Variants in SLC13A1 observed in about 807,000 individuals in gnomAD.
SLC13A1 encodes solute carrier family 13 member 1.
SLC13A1 carries 65 observed loss-of-function variants against 70.0 expected under a neutral mutation model. The observed-to-expected ratio is 0.93, with a 90% CI of 0.76 to 1.14. SLC13A1 has a LOEUF of 1.14. SLC13A1 is among the 50% of genes most tolerant of loss of function. The pLI is 0.00. For missense variants in SLC13A1, 726 were observed against 717.8 expected, an observed-to-expected ratio of 1.01 and a Z score of -0.13; for synonymous variants, 275 against 250.5, an observed-to-expected ratio of 1.10 and a Z score of -0.92.
chr7:123,140,736 T>C (rs1327296430), intron 7 of SLC13A1, among the ~76,000 whole-genome samples: 1 of 152,118 alleles, frequency 6.6e-6, no homozygotes, highest in Admixed American at 6.6e-5. Context: ...TCACTACTAA[T>C]GATCCTTTGA....
chr7:123,133,681 G>A lies in SLC13A1; in HGVS notation c.932+729C>T, dbSNP rs569938313. 4.6e-5 allele frequency among the ~76,000 whole-genome samples: 7 copies of A among 151,756 alleles called. No individual in the cohort carries two copies. The South Asian group carries it at 1.2e-3, about 27-fold the overall frequency. ...GCCTCCTGAGTAGCTGGGACTACCC[G>A]CCACACCTGGCTATTTTTTGTGTTT... On this transcript the variant is annotated intron_variant, in intron 8 of 14. Coordinates refer to ENST00000194130, the MANE Select transcript of SLC13A1 (RefSeq NM_022444.4).
At chr7:123,191,671 T>C (rs1796001025) in intron 1 of SLC13A1, among the ~76,000 whole-genome samples, 2 of 152,214 alleles carry the variant, frequency 1.3e-5, no homozygotes. Flanking sequence ...TGAATGCTTA[T>C]AATGTGCCAG....
rs752721811 is a variant in SLC13A1 at position 123,119,075 on chromosome 7, A to T, written c.1512+6T>A. On this transcript the variant is annotated splice_donor_region_variant and intron_variant, in intron 13 of 14. Transcript: ENST00000194130. The stretch of plus-strand genomic sequence containing the variant: ...AGAGTAAAAAGGGGATAAATGAGAT[A>T]CTCACCAATGGAGATAATATTGGGA... 3 of 1,609,492 alleles carry T rather than the reference A, an allele frequency of 1.9e-6. No homozygotes were observed. The Admixed American group carries it at 5.0e-5, about 27-fold the overall frequency.
At chr7:123,155,045 TTC>T (rs2116464942) in intron 6 of SLC13A1, among the ~76,000 whole-genome samples, 1 of 152,172 alleles carries the variant, frequency 6.6e-6, no homozygotes, top group African/African-American at 2.4e-5. Context: ...GAATTAGTGT[TTC>T]TTCCTTTTTG....
Position 123,115,455 on chromosome 7 carries a change from T to A in SLC13A1, c.*63A>T. 1 of 1,540,416 alleles carries A rather than the reference T, an allele frequency of 6.5e-7. No homozygotes were observed. The highest frequency in any genetic ancestry group is 8.9e-7 in the Non-Finnish European group (1 of 1,122,808). ...TGTCATTAGTTATTTAGAGCCACAT[T>A]TTACAGTCAATCATTAATGTCTTCC... On this transcript the variant is annotated 3_prime_UTR_variant, in exon 15 of 15. Coordinates refer to ENST00000194130, the MANE Select transcript of SLC13A1 (RefSeq NM_022444.4).
chr7:123,117,321 G>T, intron 14 of SLC13A1, 150 bp downstream of exon 14: 1 of 646,088 alleles, frequency 1.5e-6, no homozygotes, highest in Non-Finnish European at 2.6e-6. Context: ...AAACAATTTT[G>T]TGATTAGTCA....
intron 8 of SLC13A1, among the ~76,000 whole-genome samples, chr7:123,131,281 T>C (rs962688054): frequency 2.0e-5 from 3 of 152,102 alleles, no homozygotes; most frequent in African/African-American, 7.2e-5. Flanking sequence ...ATAAATACTA[T>C]TATAAGAAAC....
At chr7:123,127,627 G>A (rs1383430278) in intron 10 of SLC13A1, among the ~76,000 whole-genome samples, 2 of 151,916 alleles carry the variant, frequency 1.3e-5, no homozygotes, top group Admixed American at 1.3e-4. Context: ...GAATCAAAAA[G>A]TTTATAAAAA....
Position 123,115,528 on chromosome 7 carries a change from G to T in SLC13A1, c.1778C>A (p.Thr593Asn). ...GAAATTTTGTGCTTATTATGGCATG[G>T]TCTCATTACTCATAGCAGGAGCCCA... ...PSWAPAMSNE[T>N]MP is the part of the protein sequence containing the mutation. Residue 593 changes from threonine (T) to asparagine (N), a missense_variant, in exon 15 of 15, where the codon ACC becomes AAC. Thr to Asn is a moderately conservative substitution (Grantham distance 65, BLOSUM62 0). Coordinates refer to ENST00000194130, the MANE Select transcript of SLC13A1 (RefSeq NM_022444.4). The T allele has an allele frequency of 1.2e-6, 2 of 1,611,344 alleles. No individual in the cohort carries two copies. Among genetic ancestry groups the T allele is most frequent in the East Asian group, 4.5e-5 (2 of 44,824 alleles).
intron 12 of SLC13A1, among the ~76,000 whole-genome samples, chr7:123,120,716 G>T (rs1007670356): frequency 2.2e-4 from 34 of 151,950 alleles, no homozygotes; most frequent in Non-Finnish European, 3.7e-4. Flanking sequence ...TTGTATTTTT[G>T]TTTATCTGCT....
chr7:123,146,587 G>GTTCT (rs1794358817), intron 7 of SLC13A1, among the ~76,000 whole-genome samples: 1 of 152,098 alleles, frequency 6.6e-6, no homozygotes, highest in African/African-American at 2.4e-5. Flanking sequence ...TAACCCAAGT[G>GTTCT]TTCTACCTGT....
At chr7:123,179,630 G>A (rs1585388762) in intron 2 of SLC13A1, among the ~76,000 whole-genome samples, 1 of 152,194 alleles carries the variant, frequency 6.6e-6, no homozygotes, top group South Asian at 2.1e-4. Context: ...TACAAAGCCA[G>A]CCCTTCCCAG....
intron 7 of SLC13A1, among the ~76,000 whole-genome samples, chr7:123,145,609 G>A (rs181209919): frequency 2.2e-4 from 33 of 152,270 alleles, no homozygotes; most frequent in Non-Finnish European, 3.7e-4. Context: ...TCTTAAATTA[G>A]GGGATACATT....
chr7:123,199,202 C>T (rs940414819), intron 1 of SLC13A1, among the ~76,000 whole-genome samples: 1 of 152,068 alleles, frequency 6.6e-6, no homozygotes, highest in African/African-American at 2.4e-5. Flanking sequence ...GCTTATTGTT[C>T]TGGACTTAAT....
intron 6 of SLC13A1, among the ~76,000 whole-genome samples, chr7:123,160,200 G>A (rs1363518356): frequency 6.6e-6 from 1 of 151,584 alleles, no homozygotes; most frequent in Non-Finnish European, 1.5e-5. Flanking sequence ...GAACCCAGGA[G>A]GCGGAGGTTG....
intron 7 of SLC13A1, among the ~76,000 whole-genome samples, chr7:123,134,733 T>C (rs1408027637): frequency 6.6e-6 from 1 of 152,156 alleles, no homozygotes; most frequent in Admixed American, 6.5e-5. Flanking sequence ...CTGCATCCCA[T>C]ATAAGCAAGA....
At chr7:123,133,395 T>G in intron 8 of SLC13A1, among the ~76,000 whole-genome samples, 1 of 150,864 alleles carries the variant, frequency 6.6e-6, no homozygotes, top group African/African-American at 2.5e-5. Context: ...AATCTCCACA[T>G]TAAACCAAGT....
At chr7:123,171,638 G>A in intron 3 of SLC13A1, 130 bp downstream of exon 3, 1 of 961,448 alleles carries the variant, frequency 1.0e-6, no homozygotes, top group South Asian at 1.4e-5. Flanking sequence ...TATTTGCAGA[G>A]GAAAAAACGT....
At chr7:123,142,272 G>T (rs1794181364) in intron 7 of SLC13A1, among the ~76,000 whole-genome samples, 1 of 152,046 alleles carries the variant, frequency 6.6e-6, no homozygotes, top group Non-Finnish European at 1.5e-5. Flanking sequence ...GTTCCCTTAA[G>T]GTCCGAGGGC....
Sources: gnomAD v4.1 joint callset for allele counts (sites outside exome capture counted in the v4.1 genomes callset) on GRCh38, gnomAD v4.1.1 for gene constraint, MANE v1.5 for transcripts, NCBI Gene and HGNC (gene_info 2026-07-23, HGNC 2026-07-21) for gene names.